CDKN2B-AS1: variants seen among roughly 807,000 people sequenced by gnomAD.
CDKN2B-AS1 encodes the protein CDKN2B and CDKN2A antisense cis and trans regulatory RNA 1, also known as CDKN2B antisense RNA 1 (non-protein coding).
chr9:22,054,473 A>G (rs1230050574), intron 3 of CDKN2B-AS1, among the ~76,000 whole-genome samples: 3 of 152,166 alleles, frequency 2.0e-5, no homozygotes, highest in Admixed American at 6.5e-5. Flanking sequence ...GATTATGAGC[A>G]TACCTTGTGT....
intron 1 of CDKN2B-AS1, chr9:22,029,451 T>G (rs1822375321): frequency 1.3e-6 from 1 of 779,626 alleles, no homozygotes; most frequent in African/African-American, 1.7e-5. Flanking sequence ...GCCACGACAT[T>G]TCAAAGGATT....
chr9:22,060,415 C>A (rs191906981), intron 4 of CDKN2B-AS1, among the ~76,000 whole-genome samples: 68 of 152,308 alleles, frequency 4.5e-4, no homozygotes, highest in African/African-American at 1.6e-3. Flanking sequence ...CAGTTCCCAA[C>A]AAATTCCTCA....
Position 22,005,747 on chromosome 9 carries a change from T to C in CDKN2B-AS1, n.29+10586T>C, listed in dbSNP as rs1461464520. On this transcript the variant is annotated intron_variant and non_coding_transcript_variant, in intron 1 of 4. Transcript: ENST00000650946. This position sits in a 1 kb window ranked among gnomAD's most constrained non-coding sequence, Gnocchi z 4.9. ...AATGTCACACACTCCTAAATATCCC[T>C]GGAAATCCGCTTCTCTGTGTTTCGC... 5 of 607,412 alleles carry C rather than the reference T, an allele frequency of 8.2e-6. No homozygotes were observed. Among genetic ancestry groups the C allele is most frequent in the Non-Finnish European group, 1.5e-5 (5 of 343,866 alleles). 37.6% of individuals were successfully genotyped at this position (607,412 alleles called of 1,614,324 possible).
chr9:22,084,581 T>C lies in CDKN2B-AS1; in HGVS notation n.438+28194T>C, dbSNP rs796448492. 1.7e-4 allele frequency among the ~76,000 whole-genome samples: 26 copies of C among 152,198 alleles called. 1 individual carries two copies. Among genetic ancestry groups the C allele is most frequent in the African/African-American group, 6.0e-4 (25 of 41,534 alleles). ...AAAGGGGGTGGGCAGGGGTGTGATA[T>C]GGGTTTTTGTCTCTGGGAGTTCTGT... On this transcript the variant is annotated intron_variant and non_coding_transcript_variant, in intron 4 of 4. Transcript: ENST00000650946.
At chr9:22,064,549 G>A (rs1209338433) in intron 4 of CDKN2B-AS1, among the ~76,000 whole-genome samples, 2 of 152,192 alleles carry the variant, frequency 1.3e-5, no homozygotes, top group African/African-American at 2.4e-5. Flanking sequence ...TTATAGGAAT[G>A]GAAACCTTAA....
chr9:22,073,327 A>C (rs1369310725), intron 4 of CDKN2B-AS1, among the ~76,000 whole-genome samples: 2 of 152,196 alleles, frequency 1.3e-5, no homozygotes, highest in African/African-American at 4.8e-5. Flanking sequence ...AGATTATCTG[A>C]GCATGTGTCC....
chr9:22,019,361 G>A (rs1322896166), intron 1 of CDKN2B-AS1, among the ~76,000 whole-genome samples: 7 of 152,154 alleles, frequency 4.6e-5, no homozygotes, highest in Non-Finnish European at 1.0e-4. Flanking sequence ...GATAGGTTAT[G>A]GTAGCTTGGA....
In CDKN2B-AS1 at chr9:22,058,825, G is replaced by A. The variant is rs139035493; in HGVS notation, n.438+2438G>A. On this transcript the variant is annotated intron_variant and non_coding_transcript_variant, in intron 4 of 4. Coordinates refer to ENST00000650946, the Ensembl canonical transcript of CDKN2B-AS1. ...TTTAACTAGACTTACAGTTCCGCATGGCTGAGGAGGCCTCAGAATCATGGT... is the reference window on the plus strand; with the variant it reads ...TTTAACTAGACTTACAGTTCCGCATAGCTGAGGAGGCCTCAGAATCATGGT... 4.7e-4 allele frequency: 89 copies of A among 190,594 alleles called. 2 individuals are homozygous for A. In the East Asian group the frequency reaches 0.012, roughly 26 times the overall value. 11.8% of individuals were successfully genotyped at this position (190,594 alleles called of 1,614,324 possible).
At chr9:22,105,185 CATG>C (rs1197989051) in intron 4 of CDKN2B-AS1, among the ~76,000 whole-genome samples, 3 of 152,260 alleles carry the variant, frequency 2.0e-5, no homozygotes, top group South Asian at 2.1e-4. Context: ...ATTGTGGGCT[CATG>C]ATGACTTGTA....
At chr9:22,034,984 G>T (rs916087403) in intron 1 of CDKN2B-AS1, among the ~76,000 whole-genome samples, 5 of 152,100 alleles carry the variant, frequency 3.3e-5, no homozygotes, top group African/African-American at 9.7e-5. Flanking sequence ...TAGATTTGAT[G>T]TAGTTTTCTC....
At chr9:22,024,359 AG>A (rs1269757863) in intron 1 of CDKN2B-AS1, among the ~76,000 whole-genome samples, 4 of 152,174 alleles carry the variant, frequency 2.6e-5, no homozygotes, top group Admixed American at 6.5e-5. Flanking sequence ...TAGCGGATTC[AG>A]GGGTGCCTGC....
chr9:22,086,391 T>G (rs556708592), intron 4 of CDKN2B-AS1, among the ~76,000 whole-genome samples: 11 of 152,312 alleles, frequency 7.2e-5, no homozygotes, highest in Admixed American at 6.5e-4. Flanking sequence ...AGTTGGAAGT[T>G]TATATCTAAC....
chr9:22,005,824 G>A lies in CDKN2B-AS1; in HGVS notation n.29+10663G>A, dbSNP rs942804762. 3.5e-6 allele frequency: 3 copies of A among 862,978 alleles called. No homozygotes were observed. Among genetic ancestry groups the A allele is most frequent in the Non-Finnish European group, 5.4e-6 (3 of 552,922 alleles). The allele number at this position is 862,978 out of a possible 1,614,324, so 53.5% of individuals were successfully genotyped here. On this transcript the variant is annotated intron_variant and non_coding_transcript_variant, in intron 1 of 4. Transcript: ENST00000650946. The surrounding 1 kb of genome is among the most constrained non-coding windows in gnomAD (Gnocchi z 4.9). Reference sequence around the variant, plus strand: ...AAGACAAAGAAAAAAATGTATGGAAGGTTATTCCCGGTCGGCTCCTCCTTC... The same window carrying A: ...AAGACAAAGAAAAAAATGTATGGAAAGTTATTCCCGGTCGGCTCCTCCTTC...
At chr9:22,072,189 G>A (rs1824322539) in intron 4 of CDKN2B-AS1, among the ~76,000 whole-genome samples, 1 of 152,060 alleles carries the variant, frequency 6.6e-6, no homozygotes, top group African/African-American at 2.4e-5. Context: ...TGCCTCTGAG[G>A]GAAATAAAAA....
intron 4 of CDKN2B-AS1, among the ~76,000 whole-genome samples, chr9:22,106,134 G>A (rs1825651510): frequency 1.3e-5 from 2 of 152,118 alleles, no homozygotes; most frequent in South Asian, 4.1e-4. Flanking sequence ...CCAGGCTGGA[G>A]TGCAGTGGCA....
intron 4 of CDKN2B-AS1, among the ~76,000 whole-genome samples, chr9:22,067,910 T>C (rs771165945): frequency 1.3e-5 from 2 of 152,192 alleles, no homozygotes; most frequent in Non-Finnish European, 2.9e-5. Flanking sequence ...CTTAAGATTG[T>C]CTTTCTCTCA....
intron 4 of CDKN2B-AS1, among the ~76,000 whole-genome samples, chr9:22,091,564 T>C (rs911544590): frequency 1.3e-5 from 2 of 152,186 alleles, no homozygotes; most frequent in African/African-American, 4.8e-5. Flanking sequence ...GTTGGATTCC[T>C]AGGTATTTTA....
intron 4 of CDKN2B-AS1, among the ~76,000 whole-genome samples, chr9:22,104,163 G>A (rs1442448549): frequency 6.6e-6 from 1 of 152,170 alleles, no homozygotes; most frequent in Non-Finnish European, 1.5e-5. Context: ...ACAGGTAAGA[G>A]CAGAGTCCCT....
intron 4 of CDKN2B-AS1, among the ~76,000 whole-genome samples, chr9:22,094,544 T>G (rs1825209016): frequency 6.9e-6 from 1 of 144,200 alleles, no homozygotes; most frequent in Admixed American, 6.7e-5. Flanking sequence ...TCTAAACTTC[T>G]TGCTTCTTTT....
Sources: gnomAD v4.1 joint callset for allele counts (sites outside exome capture counted in the v4.1 genomes callset) on GRCh38, gnomAD v4.1.1 for gene constraint, Gnocchi (gnomAD v3.1) non-coding constraint, MANE v1.5 for transcripts, NCBI Gene and HGNC (gene_info 2026-07-23, HGNC 2026-07-21) for gene names.